MBOAT1: variants seen among roughly 807,000 people sequenced by gnomAD.
MBOAT1 encodes membrane bound glycerophospholipid O-acyltransferase 1, also known as membrane-bound glycerophospholipid O-acyltransferase 1.
In MBOAT1, 67 loss-of-function variants were observed where a neutral mutation model predicts 64.4. The ratio of observed to expected loss-of-function variants is 1.04; its 90% CI spans 0.85 to 1.27. MBOAT1 has a LOEUF of 1.27. MBOAT1 is among the 50% of genes most tolerant of loss of function. MBOAT1 has a pLI of 0.00. For synonymous variants in MBOAT1, 229 were observed against 218.9 expected, an observed-to-expected ratio of 1.05 and a Z score of -0.41; for missense variants, 563 against 604.6, an observed-to-expected ratio of 0.93 and a Z score of 0.72.
chr6:20,122,113 C>T (rs1164987125), intron 8 of MBOAT1, among the ~76,000 whole-genome samples: 4 of 151,958 alleles, frequency 2.6e-5, no homozygotes, highest in African/African-American at 7.3e-5. Flanking sequence ...TGCAGTGAGC[C>T]GAGACCGCAC....
intron 11 of MBOAT1, among the ~76,000 whole-genome samples, chr6:20,112,536 T>A (rs1226940929): frequency 6.6e-6 from 1 of 152,186 alleles, no homozygotes; most frequent in Non-Finnish European, 1.5e-5. Context: ...GGTGCCTACA[T>A]TAATTAATAA....
At chr6:20,137,692 C>A (rs1209744807) in intron 4 of MBOAT1, among the ~76,000 whole-genome samples, 3 of 148,590 alleles carry the variant, frequency 2.0e-5, no homozygotes, top group Non-Finnish European at 4.5e-5. Flanking sequence ...ATCTAAAATA[C>A]AAGTTTATGT....
chr6:20,165,764 G>A (rs1762000590), intron 1 of MBOAT1, among the ~76,000 whole-genome samples: 1 of 151,702 alleles, frequency 6.6e-6, no homozygotes, highest in Non-Finnish European at 1.5e-5. Context: ...AAAAGAATAG[G>A]GAAACCAGTT....
intron 1 of MBOAT1, among the ~76,000 whole-genome samples, chr6:20,183,844 A>G: frequency 6.6e-6 from 1 of 152,222 alleles, no homozygotes; most frequent in South Asian, 2.1e-4. Flanking sequence ...ACAGCTCCAC[A>G]TGGCTGGGGA....
intron 1 of MBOAT1, among the ~76,000 whole-genome samples, chr6:20,175,541 G>A (rs1473817209): frequency 2.6e-5 from 4 of 152,062 alleles, no homozygotes; most frequent in Non-Finnish European, 4.4e-5. Flanking sequence ...CTGCCTCCTG[G>A]GTTCAAGCGA....
intron 1 of MBOAT1, among the ~76,000 whole-genome samples, chr6:20,171,337 G>A (rs1038475369): frequency 6.8e-6 from 1 of 146,698 alleles, no homozygotes; most frequent in Non-Finnish European, 1.5e-5. Flanking sequence ...AGGAGTTCAA[G>A]ACCGGCCGGG....
intron 1 of MBOAT1, among the ~76,000 whole-genome samples, chr6:20,188,512 G>A (rs931675782): frequency 4.6e-5 from 7 of 152,156 alleles, no homozygotes; most frequent in African/African-American, 1.4e-4. Flanking sequence ...AAAGGGTGAG[G>A]TTGGAGGGAA....
At chr6:20,129,010 C>T (rs1163005077) in intron 5 of MBOAT1, among the ~76,000 whole-genome samples, 1 of 152,132 alleles carries the variant, frequency 6.6e-6, no homozygotes, top group East Asian at 1.9e-4. Flanking sequence ...TTAAACTGTA[C>T]AGTATGACAT....
At chr6:20,162,381 G>A (rs1761890186) in intron 1 of MBOAT1, among the ~76,000 whole-genome samples, 1 of 152,156 alleles carries the variant, frequency 6.6e-6, no homozygotes, top group South Asian at 2.1e-4. Context: ...GCCTGGAGGT[G>A]CCTCAGCCAC....
intron 3 of MBOAT1, among the ~76,000 whole-genome samples, chr6:20,144,886 G>A (rs1323304869): frequency 6.6e-6 from 1 of 152,028 alleles, no homozygotes; most frequent in African/African-American, 2.4e-5. Context: ...TCCAAGCTCA[G>A]CTTGGGACCC....
intron 1 of MBOAT1, among the ~76,000 whole-genome samples, chr6:20,206,600 G>A (rs1190332967): frequency 3.9e-5 from 6 of 152,172 alleles, no homozygotes; most frequent in East Asian, 1.9e-4. Flanking sequence ...ACAGACAGCA[G>A]GCCGGGTCAC....
chr6:20,158,155 CA>C (rs759202735), intron 1 of MBOAT1, among the ~76,000 whole-genome samples: 24 of 46,218 alleles, frequency 5.2e-4, no homozygotes, highest in Admixed American at 1.5e-3. Context: ...GACTCTGACT[CA>C]AAAAAAAAAA....
intron 4 of MBOAT1, among the ~76,000 whole-genome samples, chr6:20,132,819 T>C (rs1378007030): frequency 4.6e-5 from 7 of 152,216 alleles, no homozygotes. Flanking sequence ...AAACCATATA[T>C]CTGATACGGG....
intron 1 of MBOAT1, among the ~76,000 whole-genome samples, chr6:20,204,152 T>C (rs979114240): frequency 6.6e-6 from 1 of 152,228 alleles, no homozygotes; most frequent in Non-Finnish European, 1.5e-5. Context: ...CTGTCTCACC[T>C]GGCCCCTCTC....
intron 8 of MBOAT1, among the ~76,000 whole-genome samples, 165 bp downstream of exon 8, chr6:20,124,243 G>A (rs112784607): frequency 6.6e-6 from 1 of 152,130 alleles, no homozygotes; most frequent in Non-Finnish European, 1.5e-5. Context: ...TGGAGGGTGG[G>A]AGAGAGGAGT....
At chr6:20,198,903 T>C (rs1079124) in intron 1 of MBOAT1, among the ~76,000 whole-genome samples, 78,259 of 151,894 alleles carry the variant, frequency 0.52, 21,606 homozygotes, top group Non-Finnish European at 0.61. Context: ...CCTCCTTACG[T>C]ATTTTAAGTT....
At chr6:20,167,862 A>G (rs1295632376) in intron 1 of MBOAT1, among the ~76,000 whole-genome samples, 1 of 152,206 alleles carries the variant, frequency 6.6e-6, no homozygotes, top group Admixed American at 6.5e-5. Context: ...TGTACGATGC[A>G]TGCTAGATAT....
chr6:20,121,035 C>A (rs1432871214), intron 8 of MBOAT1, among the ~76,000 whole-genome samples: 1 of 152,208 alleles, frequency 6.6e-6, no homozygotes, highest in Non-Finnish European at 1.5e-5. Flanking sequence ...AAAGTTAAGT[C>A]TCACTAACTA....
At chr6:20,182,609 G>C (rs1052754304) in intron 1 of MBOAT1, among the ~76,000 whole-genome samples, 1 of 152,044 alleles carries the variant, frequency 6.6e-6, no homozygotes, top group African/African-American at 2.4e-5. Context: ...CAATGCCTTG[G>C]GTCTGTTCTC....
Sources: allele counts gnomAD v4.1 joint callset (sites outside exome capture counted in the v4.1 genomes callset), GRCh38; gene constraint gnomAD v4.1.1; transcripts MANE v1.5; gene names NCBI Gene and HGNC (gene_info 2026-07-23, HGNC 2026-07-21).